L3MBTL4: variants seen among roughly 807,000 people sequenced by gnomAD.
The protein encoded by L3MBTL4 is lethal(3)malignant brain tumor-like protein 4.
A neutral mutation model predicts 84.5 loss-of-function variants in L3MBTL4; 70 were observed. The ratio of observed to expected loss-of-function variants is 0.83; its 90% CI spans 0.68 to 1.01. The LOEUF (loss-of-function observed/expected upper bound fraction) is 1.01. L3MBTL4 is among the 50% of genes least tolerant of loss of function. L3MBTL4 has a pLI of 0.00. For missense variants in L3MBTL4, 715 were observed against 754.8 expected (o/e 0.95, Z 0.62); for synonymous variants, 274 against 259.8 (o/e 1.05, Z -0.52).
intron 10 of L3MBTL4, among the ~76,000 whole-genome samples, chr18:6,219,352 G>C (rs757228443): frequency 4.0e-5 from 6 of 151,748 alleles, no homozygotes; most frequent in African/African-American, 1.2e-4. Context: ...GAGAGGGCGG[G>C]ACTGTAAACT....
At chr18:6,156,442 C>T (rs539203380) in intron 13 of L3MBTL4, among the ~76,000 whole-genome samples, 167 of 152,276 alleles carry the variant, frequency 1.1e-3, no homozygotes, top group African/African-American at 3.9e-3. Context: ...CAGTTGATTG[C>T]TCAACTGCTC....
chr18:6,399,745 C>G (rs1344591220), intron 1 of L3MBTL4: 1 of 152,174 alleles, frequency 6.6e-6, no homozygotes, highest in Non-Finnish European at 1.5e-5. Flanking sequence ...CTTAATAAGA[C>G]CCTTCATGGT....
chr18:6,276,909 A>C (rs2049103600), intron 4 of L3MBTL4, among the ~76,000 whole-genome samples: 2 of 152,138 alleles, frequency 1.3e-5, no homozygotes, highest in Admixed American at 1.3e-4. Context: ...GAAAGCCATA[A>C]AACTGTCAAG....
At chr18:6,092,769 C>T (rs993466967) in intron 15 of L3MBTL4, among the ~76,000 whole-genome samples, 1 of 152,188 alleles carries the variant, frequency 6.6e-6, no homozygotes, top group East Asian at 1.9e-4. Flanking sequence ...CAAGGCTGTA[C>T]TTGCAGCTCC....
At chr18:6,323,774 C>T (rs2051556669) in intron 1 of L3MBTL4, among the ~76,000 whole-genome samples, 1 of 152,136 alleles carries the variant, frequency 6.6e-6, no homozygotes, top group African/African-American at 2.4e-5. Context: ...TGCAGCCTGG[C>T]CATGTGGTAG....
chr18:6,282,558 A>G (rs554861696), intron 4 of L3MBTL4, among the ~76,000 whole-genome samples: 3 of 152,182 alleles, frequency 2.0e-5, no homozygotes, highest in African/African-American at 7.2e-5. Context: ...GAAGGGGCAC[A>G]TTGCAGGAGA....
At chr18:6,244,401 A>G in intron 6 of L3MBTL4, 83 bp downstream of exon 6, 1 of 870,438 alleles carries the variant, frequency 1.1e-6, no homozygotes, top group Non-Finnish European at 1.9e-6. Context: ...TTCATAATAA[A>G]TATCAAACAA....
intron 16 of L3MBTL4, among the ~76,000 whole-genome samples, chr18:6,066,601 A>G (rs2057405951): frequency 6.6e-6 from 1 of 152,132 alleles, no homozygotes; most frequent in Non-Finnish European, 1.5e-5. Context: ...TTATCATTAC[A>G]TAATGTCATT....
At chr18:6,160,220 T>A (rs1014350521) in intron 13 of L3MBTL4, among the ~76,000 whole-genome samples, 2 of 152,144 alleles carry the variant, frequency 1.3e-5, no homozygotes, top group African/African-American at 4.8e-5. Flanking sequence ...CCCTAGGGGA[T>A]CTCCTGGATT....
chr18:6,048,984 A>T (rs1325052701), intron 16 of L3MBTL4, among the ~76,000 whole-genome samples: 1 of 152,144 alleles, frequency 6.6e-6, no homozygotes, highest in African/African-American at 2.4e-5. Context: ...CTCAAGATGG[A>T]TTAAAGATTT....
At chr18:6,067,616 A>T (rs1372102346) in intron 16 of L3MBTL4, among the ~76,000 whole-genome samples, 1 of 152,090 alleles carries the variant, frequency 6.6e-6, no homozygotes, top group African/African-American at 2.4e-5. Context: ...CCTAAGTGTG[A>T]CTTTCATTTC....
chr18:6,311,603 C>T lies in L3MBTL4; in HGVS notation c.23G>A (p.Arg8Lys). MKQPNRK[R>K]KLNMDSKERL... ...CTCTTTGGAATCCATATTAAGCTTCCTTTTCCTGTTGGGCTGTTTCATTGC... is the reference window on the plus strand; with the variant it reads ...CTCTTTGGAATCCATATTAAGCTTCTTTTTCCTGTTGGGCTGTTTCATTGC... The change falls in exon 3 of 19, where the codon AGG (arginine) becomes AAG (lysine). Residue 8 changes from arginine to lysine, a missense_variant. Physicochemically the swap from Arg to Lys is conservative, Grantham distance 26. Coordinates refer to ENST00000317931, the MANE Select transcript of L3MBTL4 (RefSeq NM_001330559.2). The T allele has an allele frequency of 1.2e-6, 2 of 1,613,722 alleles. No homozygotes were observed. The highest frequency in any genetic ancestry group is 2.2e-5 in the South Asian group (2 of 91,066).
intron 13 of L3MBTL4, among the ~76,000 whole-genome samples, chr18:6,149,799 T>C (rs2042813768): frequency 1.3e-5 from 2 of 152,200 alleles, no homozygotes; most frequent in South Asian, 4.1e-4. Context: ...GTTTATGTAA[T>C]TGAATTATTC....
At chr18:6,133,410 T>C (rs1306335391) in intron 14 of L3MBTL4, among the ~76,000 whole-genome samples, 3 of 152,134 alleles carry the variant, frequency 2.0e-5, no homozygotes, top group East Asian at 1.9e-4. Flanking sequence ...CATGGCTATA[T>C]ACTCCTAGTG....
intron 1 of L3MBTL4, among the ~76,000 whole-genome samples, chr18:6,392,275 G>A (rs138577211): frequency 1.8e-3 from 275 of 152,312 alleles, no homozygotes; most frequent in Admixed American, 2.8e-3. Context: ...GGAGCCAGGC[G>A]CAGTGGCTTA....
intron 15 of L3MBTL4, among the ~76,000 whole-genome samples, chr18:6,087,320 A>G (rs1490127599): frequency 6.6e-6 from 1 of 152,180 alleles, no homozygotes. Context: ...GAGAGCAATG[A>G]GCTGGGAGTC....
At position 6,176,576 on chromosome 18, in the gene L3MBTL4, A is replaced by G. The variant is rs371109713; in HGVS notation, c.982-4634T>C. On this transcript the variant is annotated intron_variant, in intron 12 of 18. Transcript: ENST00000317931. The stretch of plus-strand genomic sequence containing the variant: ...AGTATTTGAAATGAAACATAAACAA[A>G]ACATAAAAGCTAAAACTACAAAACC... Among the ~76,000 whole-genome samples the G allele has an allele frequency of 4.5e-4, 68 of 152,274 alleles. 3 individuals carry two copies. Among genetic ancestry groups the G allele is most frequent in the African/African-American group, 1.6e-3 (65 of 41,566 alleles).
chr18:6,208,432 A>G (rs1157469663), intron 12 of L3MBTL4, among the ~76,000 whole-genome samples: 2 of 152,234 alleles, frequency 1.3e-5, no homozygotes, highest in Non-Finnish European at 2.9e-5. Flanking sequence ...AATGCATTAA[A>G]TAGGAAAAGA....
At chr18:6,302,041 G>A in intron 3 of L3MBTL4, 84 bp from the exon 4 acceptor site, 1 of 1,129,788 alleles carries the variant, frequency 8.9e-7, no homozygotes, top group Admixed American at 1.7e-5. Flanking sequence ...TTTGCAGGAA[G>A]GAAAGTTATG....
Sources: gnomAD v4.1 joint callset for allele counts (sites outside exome capture counted in the v4.1 genomes callset) on GRCh38, gnomAD v4.1.1 for gene constraint, MANE v1.5 for transcripts, NCBI Gene and HGNC (gene_info 2026-07-23, HGNC 2026-07-21) for gene names.